Variants in PPP1R14D observed in about 807,000 individuals in gnomAD.
PPP1R14D encodes the protein protein phosphatase 1 regulatory subunit 14D.
A neutral mutation model predicts 17.1 loss-of-function variants in PPP1R14D; 14 were observed. The ratio of observed to expected loss-of-function variants is 0.82; its 90% CI spans 0.54 to 1.28. The LOEUF is 1.28. Among genes scored for constraint, PPP1R14D ranks in the 50% most tolerant of loss-of-function variants. PPP1R14D has a pLI of 0.00. For missense variants in PPP1R14D, 173 were observed against 179.2 expected, an observed-to-expected ratio of 0.97 and a Z score of 0.20; for synonymous variants, 67 against 66.1, an observed-to-expected ratio of 1.01 and a Z score of -0.06.
At chr15:40,823,303 C>T (rs1226935084) in intron 1 of PPP1R14D, among the ~76,000 whole-genome samples, 1 of 151,562 alleles carries the variant, frequency 6.6e-6, no homozygotes, top group Admixed American at 6.6e-5. Context: ...GAGTGGGGTC[C>T]CACTATGTTG....
At chr15:40,828,180 A>C (rs1054740549) in intron 1 of PPP1R14D, among the ~76,000 whole-genome samples, 1 of 152,190 alleles carries the variant, frequency 6.6e-6, no homozygotes, top group African/African-American at 2.4e-5. Flanking sequence ...GACCTTCCCC[A>C]GATCACAAAG....
Position 40,822,744 on chromosome 15 carries a change from T to C in PPP1R14D, c.255+5643A>G, listed in dbSNP as rs1174589254. 2.0e-5 allele frequency among the ~76,000 whole-genome samples: 3 copies of C among 152,168 alleles called. No homozygotes were observed. The East Asian group carries it at 5.8e-4, about 30-fold the overall frequency. ...CTGGGATTACAGGCGTGAGCCACCA[T>C]GCCTGGCCTCAAGACCAGTTTTTTA... On this transcript the variant is annotated intron_variant, in intron 1 of 3. Transcript: ENST00000299174.
intron 1 of PPP1R14D, among the ~76,000 whole-genome samples, chr15:40,821,292 C>G (rs1340366827): frequency 1.3e-5 from 2 of 151,912 alleles, no homozygotes; most frequent in African/African-American, 4.8e-5. Context: ...TGAGATCATA[C>G]CATTTGCACT....
intron 1 of PPP1R14D, among the ~76,000 whole-genome samples, chr15:40,827,261 C>G (rs1890883369): frequency 6.6e-6 from 1 of 152,220 alleles, no homozygotes; most frequent in African/African-American, 2.4e-5. Flanking sequence ...GTAATCCCAG[C>G]ACTTTGGGAG....
chr15:40,819,495 C>T (rs1485158792), intron 1 of PPP1R14D, among the ~76,000 whole-genome samples: 1 of 151,430 alleles, frequency 6.6e-6, no homozygotes, highest in Non-Finnish European at 1.5e-5. Context: ...CAATATCACG[C>T]CACTGCACTC....
At chr15:40,828,250 T>C in intron 1 of PPP1R14D, 137 bp downstream of exon 1, 3 of 1,204,684 alleles carry the variant, frequency 2.5e-6, no homozygotes, top group Admixed American at 4.8e-5. Flanking sequence ...AAACCGATGC[T>C]TCTTTCTTTC....
At chr15:40,825,307 A>C (rs1374464690) in intron 1 of PPP1R14D, among the ~76,000 whole-genome samples, 1 of 151,800 alleles carries the variant, frequency 6.6e-6, no homozygotes, top group East Asian at 1.9e-4. Flanking sequence ...AAAGAAAGAA[A>C]GAAAGAAATA....
chr15:40,828,435 C>G lies in PPP1R14D; in HGVS notation c.207G>C (p.Trp69Cys). 1.9e-6 allele frequency: 3 copies of G among 1,613,200 alleles called. No homozygotes were observed. The South Asian group carries it at 3.3e-5, about 18-fold the overall frequency. ...CATCCACCCATTGCTCCATCTCCAGCCAGCGCTGGAGCTGGCCCCGGTCAT... is the reference window on the plus strand; with the variant it reads ...CATCCACCCATTGCTCCATCTCCAGGCAGCGCTGGAGCTGGCCCCGGTCAT... ...VKYDRGQLQR[W>C]LEMEQWVDAQ... Residue 69 changes from tryptophan to cysteine, a missense_variant, in exon 1 of 4, where the codon TGG becomes TGC. By Grantham distance (215) the Trp-to-Cys change is radical (BLOSUM62 -2). Transcript: ENST00000299174.
chr15:40,823,034 G>A (rs1314912402), intron 1 of PPP1R14D, among the ~76,000 whole-genome samples: 1 of 142,684 alleles, frequency 7.0e-6, no homozygotes, highest in Non-Finnish European at 1.5e-5. Context: ...GTGCAATCTT[G>A]GCTTACTGCA....
Position 40,828,499 on chromosome 15 carries a change from A to G in PPP1R14D, c.143T>C (p.Ile48Thr). 1.2e-6 allele frequency: 2 copies of G among 1,614,148 alleles called. No homozygotes were observed. Among genetic ancestry groups the G allele is most frequent in the Non-Finnish European group, 1.7e-6 (2 of 1,180,010 alleles). The change falls in exon 1 of 4, where the codon ATA becomes ACA. Residue 48 changes from isoleucine (I) to threonine (T), a missense_variant. By Grantham distance (89) the Ile-to-Thr change is moderately conservative. Transcript: ENST00000299174. The stretch of plus-strand genomic sequence containing the variant: ...GCGGCTGGGTCTCCGGGACCTGGGT[A>G]TCTTGGAGGAGTCCGGGTGGGACTT... ...ESKSHPDSSK[I>T]PRSRRPSRLT...
intron 3 of PPP1R14D, 67 bp from the exon 4 acceptor site, chr15:40,815,828 A>T: frequency 6.6e-7 from 1 of 1,509,162 alleles, no homozygotes; most frequent in Non-Finnish European, 9.1e-7. Context: ...GCCCTCCCTA[A>T]TCTTCCCCTG....
intron 1 of PPP1R14D, among the ~76,000 whole-genome samples, chr15:40,820,279 C>T (rs1288157369): frequency 1.3e-5 from 2 of 151,724 alleles, no homozygotes; most frequent in Non-Finnish European, 2.9e-5. Flanking sequence ...CTGCCTCAGC[C>T]TCCCAAGTAG....
intron 1 of PPP1R14D, among the ~76,000 whole-genome samples, chr15:40,821,629 AATAAAG>A (rs1315304860): frequency 6.6e-6 from 1 of 152,114 alleles, no homozygotes; most frequent in African/African-American, 2.4e-5. Context: ...TGGGCATTAT[AATAAAG>A]ATAAACTCTA....
At chr15:40,822,458 CT>C (rs951273824) in intron 1 of PPP1R14D, among the ~76,000 whole-genome samples, 155 of 145,408 alleles carry the variant, frequency 1.1e-3, no homozygotes, top group Middle Eastern at 7.1e-3. Flanking sequence ...AGACCAGATT[CT>C]TTTTTTTTTT....
In PPP1R14D at chr15:40,816,178, G is replaced by C. The variant is rs773340832; in HGVS notation, c.331C>G (p.Gln111Glu). The change falls in exon 2 of 4, where the codon CAG (glutamine) becomes GAG (glutamate). Residue 111 changes from glutamine to glutamate, a missense_variant. Transcript: ENST00000299174. ...TCTAGCCCCCATCCTACCTCCAGCTGAGTCTTCTGCTCCTCTGTGGATAGA... is the reference window on the plus strand; with the variant it reads ...TCTAGCCCCCATCCTACCTCCAGCTCAGTCTTCTGCTCCTCTGTGGATAGA... The part of the protein sequence containing the change: ...MDLSTEEQKT[Q>E]LEAILGNCPR... 1 of 1,614,094 alleles carries C rather than the reference G, an allele frequency of 6.2e-7. No individual in the cohort carries two copies. Among genetic ancestry groups the C allele is most frequent in the African/African-American group, 1.3e-5 (1 of 75,032 alleles).
chr15:40,824,482 CT>C (rs1890837857), intron 1 of PPP1R14D, among the ~76,000 whole-genome samples: 1 of 151,884 alleles, frequency 6.6e-6, no homozygotes. Context: ...GCAATCCTCC[CT>C]CCTCAGCCTC....
In PPP1R14D at chr15:40,819,612, G is replaced by A. The variant is rs575125912; in HGVS notation, c.256-3359C>T. ...TCCGAAAGAGTTCTTGGGAATCTCC[G>A]AAAGAGTTCTTAGGAACCTCCATGG... On this transcript the variant is annotated intron_variant, in intron 1 of 3. Coordinates refer to ENST00000299174, the MANE Select transcript of PPP1R14D (RefSeq NM_017726.8). Among the ~76,000 whole-genome samples the A allele has an allele frequency of 6.6e-5, 10 of 151,458 alleles. No individual in the cohort carries two copies. The South Asian group carries it at 1.9e-3, about 28-fold the overall frequency.
At chr15:40,826,231 A>T (rs1890866497) in intron 1 of PPP1R14D, among the ~76,000 whole-genome samples, 1 of 152,146 alleles carries the variant, frequency 6.6e-6, no homozygotes, top group African/African-American at 2.4e-5. Flanking sequence ...CACATGACCC[A>T]GTTAGTTTCG....
At position 40,828,530 on chromosome 15, in the gene PPP1R14D, C is replaced by CT. The variant is rs1336874630; in HGVS notation, c.111dup (p.Glu38ArgfsTer25). ...GAGGAGTCCGGGTGGGACTTGGACT[C>CT]TGAGTCTGTGGATGATGTCCTTCTC... is the stretch of plus-strand genomic sequence containing the variant. On this transcript the variant is annotated frameshift_variant, in exon 1 of 4. Coordinates refer to ENST00000299174, the MANE Select transcript of PPP1R14D (RefSeq NM_017726.8). LOFTEE classifies it high-confidence loss of function. 6.2e-7 allele frequency: 1 copy of CT among 1,614,192 alleles called. No individual in the cohort carries two copies. Among genetic ancestry groups the CT allele is most frequent in the South Asian group, 1.1e-5 (1 of 91,080 alleles).
Sources: allele counts gnomAD v4.1 joint callset (sites outside exome capture counted in the v4.1 genomes callset), GRCh38; gene constraint gnomAD v4.1.1; transcripts MANE v1.5; gene names NCBI Gene and HGNC (gene_info 2026-07-23, HGNC 2026-07-21).